The following EBF2 variants were observed in gnomAD, a reference collection of about 807,000 sequenced individuals.
EBF2 encodes the protein transcription factor COE2.
In EBF2, 21 loss-of-function variants were observed where a neutral mutation model predicts 72.8. That is an observed-to-expected ratio of 0.29 (90% CI 0.20 to 0.42). The LOEUF is 0.42. EBF2 is among the 10% of genes least tolerant of loss of function. The pLI is 1.00. For synonymous variants in EBF2, 299 were observed against 274.2 expected (o/e 1.09, Z -0.89); for missense variants, 637 against 731.2 (o/e 0.87, Z 1.49).
At chr8:25,966,176 C>T (rs990788588) in intron 6 of EBF2, among the ~76,000 whole-genome samples, 2 of 152,210 alleles carry the variant, frequency 1.3e-5, no homozygotes, top group African/African-American at 4.8e-5. Context: ...AGAGACAAAG[C>T]ATCTAAAGGC....
chr8:25,870,253 T>C (rs1213379234), intron 10 of EBF2, among the ~76,000 whole-genome samples: 2 of 152,202 alleles, frequency 1.3e-5, no homozygotes, highest in Non-Finnish European at 2.9e-5. Context: ...TAATTTTTTT[T>C]TTTTTTAGAA....
chr8:26,021,312 T>G (rs946081566), intron 6 of EBF2, among the ~76,000 whole-genome samples: 5 of 152,190 alleles, frequency 3.3e-5, no homozygotes, highest in Admixed American at 1.3e-4. Context: ...CTGTCTGCCT[T>G]TTAAGTGAAT....
chr8:25,919,542 TA>T (rs1248186280), intron 6 of EBF2, among the ~76,000 whole-genome samples: 1 of 152,178 alleles, frequency 6.6e-6, no homozygotes, highest in Non-Finnish European at 1.5e-5. Context: ...AGTGAGTCTA[TA>T]AAAAGAAATT....
At chr8:25,960,985 G>A (rs1458057635) in intron 6 of EBF2, among the ~76,000 whole-genome samples, 1 of 152,136 alleles carries the variant, frequency 6.6e-6, no homozygotes, top group Non-Finnish European at 1.5e-5. Flanking sequence ...TTAAGTATGT[G>A]TGTATTCATA....
rs566037457 is a variant in EBF2 at position 25,986,769 on chromosome 8, G to A, written c.551+46316C>T. On this transcript the variant is annotated intron_variant, in intron 6 of 15. Coordinates refer to ENST00000520164, the MANE Select transcript of EBF2 (RefSeq NM_022659.4). ...TCTGTCAGTTGTAACAGACATAGGTGGAGACGGTTCCTAAGATAAAAGCTG... is the reference window on the plus strand; with the variant it reads ...TCTGTCAGTTGTAACAGACATAGGTAGAGACGGTTCCTAAGATAAAAGCTG... 1.1e-4 allele frequency among the ~76,000 whole-genome samples: 17 copies of A among 152,298 alleles called. No homozygotes were observed. The South Asian group carries it at 1.7e-3, about 15-fold the overall frequency.
rs902465238 is a variant in EBF2, at chr8:25,937,270, T to C, written c.552-28715A>G. 5.4e-4 allele frequency among the ~76,000 whole-genome samples: 82 copies of C among 152,286 alleles called. No homozygotes were observed. The Middle Eastern group carries it at 0.01, about 19-fold the overall frequency. On this transcript the variant is annotated intron_variant, in intron 6 of 15. Transcript: ENST00000520164. ...GTACAGAAAATTACGATCTCCAAGT[T>C]GGCCAAAAGCAGCACCAACATGTTA...
intron 7 of EBF2, among the ~76,000 whole-genome samples, chr8:25,899,516 GTTAAT>G (rs949593403): frequency 2.2e-4 from 33 of 152,294 alleles, no homozygotes; most frequent in African/African-American, 7.2e-4. Context: ...ACCATTTGGA[GTTAAT>G]TTAAACTCTC....
chr8:26,002,600 T>C (rs1804749121), intron 6 of EBF2, among the ~76,000 whole-genome samples: 1 of 152,178 alleles, frequency 6.6e-6, no homozygotes, highest in Non-Finnish European at 1.5e-5. Flanking sequence ...AGAGAGAACA[T>C]TAACAGGCAG....
chr8:26,018,496 CAAAAAAAAA>C lies in EBF2; in HGVS notation c.551+14580_551+14588del, dbSNP rs10555042. On this transcript the variant is annotated intron_variant, in intron 6 of 15. Coordinates refer to ENST00000520164, the MANE Select transcript of EBF2 (RefSeq NM_022659.4). The stretch of plus-strand genomic sequence containing the variant: ...TGAAACCCCATCTCTACTAAAAATA[CAAAAAAAAA>C]AAAAAAAAAAAAAAAATTAGCCGGG... 4.2e-3 allele frequency among the ~76,000 whole-genome samples: 346 copies of C among 81,636 alleles called. 1 individual carries two copies. The highest frequency in any genetic ancestry group is 0.015 in the African/African-American group (304 of 19,826). The allele number at this position is 81,636 out of a possible 152,430, so 53.6% of individuals were successfully genotyped here.
chr8:25,944,446 T>C (rs1484601063), intron 6 of EBF2, among the ~76,000 whole-genome samples: 1 of 152,092 alleles, frequency 6.6e-6, no homozygotes, highest in South Asian at 2.1e-4. Context: ...GGTCAATGTA[T>C]ACGGTTTGAA....
intron 6 of EBF2, among the ~76,000 whole-genome samples, chr8:25,980,312 A>T (rs2117198373): frequency 6.6e-6 from 1 of 152,344 alleles, no homozygotes; most frequent in Non-Finnish European, 1.5e-5. Context: ...TTAAACGTGT[A>T]AGGAGCTGTT....
rs146354046 is a variant in EBF2 at position 26,016,686 on chromosome 8, T to A, written c.551+16399A>T. Among the ~76,000 whole-genome samples, 479 of 151,746 alleles carry A rather than the reference T, an allele frequency of 3.2e-3. 2 individuals carry two copies. Among genetic ancestry groups the A allele is most frequent in the African/African-American group, 0.011 (454 of 41,372 alleles). On this transcript the variant is annotated intron_variant, in intron 6 of 15. Coordinates refer to ENST00000520164, the MANE Select transcript of EBF2 (RefSeq NM_022659.4). Reference sequence around the variant, plus strand: ...GAAAAATGTTGCTCCAGTAGAGAGATGGGTGGGTAGAACCTCCTCACTCTT... The same window carrying A: ...GAAAAATGTTGCTCCAGTAGAGAGAAGGGTGGGTAGAACCTCCTCACTCTT...
rs1805668375 is a variant in EBF2, at chr8:26,044,552, C to G, written c.131+177G>C. Reference sequence around the variant, plus strand: ...ACTCGAGTGCCGGCTGCCGGGTGAGCGTTCGCCTGACTGCAGCGATCTGCT... The same window carrying G: ...ACTCGAGTGCCGGCTGCCGGGTGAGGGTTCGCCTGACTGCAGCGATCTGCT... On this transcript the variant is annotated intron_variant, in intron 1 of 15. Coordinates refer to ENST00000520164, the MANE Select transcript of EBF2 (RefSeq NM_022659.4). This position sits in a 1 kb window ranked among gnomAD's most constrained non-coding sequence, Gnocchi z 4.1. Among the ~76,000 whole-genome samples, 1 of 152,182 alleles carries G rather than the reference C, an allele frequency of 6.6e-6. No homozygotes were observed. The highest frequency in any genetic ancestry group is 6.5e-5 in the Admixed American group (1 of 15,288).
chr8:25,974,544 G>A (rs570095213), intron 6 of EBF2, among the ~76,000 whole-genome samples: 1 of 152,262 alleles, frequency 6.6e-6, no homozygotes, highest in South Asian at 2.1e-4. Context: ...TAAAATCTTA[G>A]TTTGAACTTT....
intron 7 of EBF2, among the ~76,000 whole-genome samples, chr8:25,892,609 TA>T (rs2117296151): frequency 1.3e-5 from 2 of 152,328 alleles, no homozygotes; most frequent in African/African-American, 4.8e-5. Context: ...GACATCTTTT[TA>T]AGTTATATTT....
intron 10 of EBF2, among the ~76,000 whole-genome samples, chr8:25,873,558 CT>C (rs1469284671): frequency 6.6e-6 from 1 of 152,172 alleles, no homozygotes; most frequent in Non-Finnish European, 1.5e-5. Flanking sequence ...GAGGCGGTAC[CT>C]GCCTTTGTGG....
chr8:26,043,857 T>C (rs1805653044), intron 1 of EBF2, among the ~76,000 whole-genome samples: 2 of 152,092 alleles, frequency 1.3e-5, no homozygotes, highest in South Asian at 2.1e-4. Context: ...CCCAACTCAG[T>C]AGTGGTGATG....
At chr8:26,005,296 T>A (rs554111351) in intron 6 of EBF2, among the ~76,000 whole-genome samples, 2,384 of 9,310 alleles carry the variant, frequency 0.26, 590 homozygotes, top group Non-Finnish European at 0.33. Context: ...ATTATATAAT[T>A]ATATATAATT....
In EBF2 at chr8:25,937,394, TTC is replaced by T. The variant is rs1228421689; in HGVS notation, c.552-28841_552-28840del. ...CTCAGCAGCCCTCCCTGTAGTGACT[TTC>T]TATCTCCCCTCTATTCTCTCTGCAT... On this transcript the variant is annotated intron_variant, in intron 6 of 15. Transcript: ENST00000520164. Among the ~76,000 whole-genome samples the T allele has an allele frequency of 1.1e-4, 17 of 152,260 alleles. No homozygotes were observed. In the East Asian group the frequency reaches 3.3e-3, roughly 29 times the overall value.
Sources: gnomAD v4.1 joint callset for allele counts (sites outside exome capture counted in the v4.1 genomes callset) on GRCh38, gnomAD v4.1.1 for gene constraint, Gnocchi (gnomAD v3.1) non-coding constraint, MANE v1.5 for transcripts, NCBI Gene and HGNC (gene_info 2026-07-23, HGNC 2026-07-21) for gene names.